OSBPL9: variants seen among roughly 807,000 people sequenced by gnomAD.
The protein encoded by OSBPL9 is oxysterol-binding protein-related protein 9.
A neutral mutation model predicts 106.6 loss-of-function variants in OSBPL9; 40 were observed. The ratio of observed to expected loss-of-function variants is 0.38; its 90% CI spans 0.29 to 0.49. The LOEUF (loss-of-function observed/expected upper bound fraction) is 0.49, where lower values mean the gene tolerates loss of function less well. Ranked by LOEUF, OSBPL9 falls within the 20% of genes least tolerant of loss-of-function variation. OSBPL9 has a pLI of 0.97. For synonymous variants in OSBPL9, 269 were observed against 295.4 expected (o/e 0.91, Z 0.92); for missense variants, 609 against 887.2 (o/e 0.69, Z 3.98).
intron 1 of OSBPL9, among the ~76,000 whole-genome samples, chr1:51,640,222 T>G (rs1645702094): frequency 6.6e-6 from 1 of 152,254 alleles, no homozygotes; most frequent in Admixed American, 6.5e-5. Flanking sequence ...CAAAACTTTT[T>G]CAGACACATT....
intron 2 of OSBPL9, among the ~76,000 whole-genome samples, chr1:51,653,309 C>A (rs1646633265): frequency 6.6e-6 from 1 of 151,830 alleles, no homozygotes; most frequent in Non-Finnish European, 1.5e-5. Flanking sequence ...ATTAACTGCT[C>A]TTTTGGCTTG....
intron 6 of OSBPL9, among the ~76,000 whole-genome samples, 190 bp from the exon 7 acceptor site, chr1:51,748,179 G>A (rs1281819264): frequency 2.6e-5 from 4 of 152,074 alleles, no homozygotes; most frequent in Non-Finnish European, 5.9e-5. Flanking sequence ...TAAAAGTCTG[G>A]AATTTTTATA....
At chr1:51,702,253 C>T (rs1485178458) in intron 3 of OSBPL9, among the ~76,000 whole-genome samples, 1 of 152,216 alleles carries the variant, frequency 6.6e-6, no homozygotes, top group Admixed American at 6.5e-5. Context: ...AACTAGTTTA[C>T]AGTCCCACCA....
At chr1:51,670,188 A>C (rs149735210) in intron 3 of OSBPL9, among the ~76,000 whole-genome samples, 4 of 152,224 alleles carry the variant, frequency 2.6e-5, no homozygotes, top group Admixed American at 2.6e-4. Flanking sequence ...AATAAAAGTC[A>C]ATTTTAATGA....
chr1:51,634,931 C>G (rs1645334568), intron 1 of OSBPL9, among the ~76,000 whole-genome samples: 1 of 152,286 alleles, frequency 6.6e-6, no homozygotes, highest in South Asian at 2.1e-4. Context: ...GACTTTTTCA[C>G]TACCACAAGA....
intron 3 of OSBPL9, among the ~76,000 whole-genome samples, chr1:51,711,522 A>G (rs1474993502): frequency 1.5e-5 from 1 of 68,918 alleles, no homozygotes; most frequent in Non-Finnish European, 3.1e-5. Flanking sequence ...CTGACCCCCC[A>G]CCTCCCTCCC....
chr1:51,624,797 T>G (rs1644672780), intron 1 of OSBPL9, among the ~76,000 whole-genome samples: 1 of 152,178 alleles, frequency 6.6e-6, no homozygotes, highest in Non-Finnish European at 1.5e-5. Flanking sequence ...TGGGCATTAA[T>G]CATCTTACAT....
At chr1:51,588,924 G>C (rs577468167) in intron 1 of OSBPL9, among the ~76,000 whole-genome samples, 5 of 152,268 alleles carry the variant, frequency 3.3e-5, no homozygotes, top group African/African-American at 1.2e-4. Context: ...GAAGCACTGT[G>C]CTCTCAGGAA....
intron 1 of OSBPL9, among the ~76,000 whole-genome samples, chr1:51,584,476 A>AG (rs137868740): frequency 0.2 from 30,026 of 152,100 alleles, 4,341 homozygotes; most frequent in African/African-American, 0.41. Flanking sequence ...TGGGAGGCCA[A>AG]GCTGAGGCAG....
upstream of OSBPL9, among the ~76,000 whole-genome samples, chr1:51,576,622 G>A (rs772365777): frequency 1.3e-4 from 19 of 151,960 alleles, no homozygotes; most frequent in Non-Finnish European, 2.6e-4. Flanking sequence ...CAATCTCCTG[G>A]GCTCAAGCAA....
At chr1:51,651,581 C>T (rs922664478) in intron 1 of OSBPL9, among the ~76,000 whole-genome samples, 22 of 151,572 alleles carry the variant, frequency 1.5e-4, no homozygotes, top group South Asian at 4.2e-4. Flanking sequence ...CCAGCCTGGG[C>T]GACAAAGCGG....
At chr1:51,775,032 C>G (rs2149118345) in intron 14 of OSBPL9, among the ~76,000 whole-genome samples, 1 of 152,190 alleles carries the variant, frequency 6.6e-6, no homozygotes, top group Middle Eastern at 3.4e-3. Context: ...TCTTCTTCAG[C>G]ATTTTTACTC....
intron 3 of OSBPL9, chr1:51,707,181 G>A (rs2148871344): frequency 2.5e-6 from 1 of 407,344 alleles, no homozygotes; most frequent in Non-Finnish European, 5.0e-6. Context: ...CACCCTGTTG[G>A]TGTAGCCAGA....
intron 4 of OSBPL9, among the ~76,000 whole-genome samples, chr1:51,744,039 TCAAA>T (rs1667472743): frequency 6.6e-6 from 1 of 152,230 alleles, no homozygotes; most frequent in Admixed American, 6.5e-5. Flanking sequence ...ATACTCATTG[TCAAA>T]CAGTTTCTTG....
At chr1:51,638,712 A>T (rs1156269311) in intron 1 of OSBPL9, among the ~76,000 whole-genome samples, 1 of 152,148 alleles carries the variant, frequency 6.6e-6, no homozygotes, top group Non-Finnish European at 1.5e-5. Flanking sequence ...ACTACAAAAA[A>T]TACAAAAATA....
At chr1:51,708,620 C>T (rs1659143899) in intron 3 of OSBPL9, among the ~76,000 whole-genome samples, 1 of 152,118 alleles carries the variant, frequency 6.6e-6, no homozygotes, top group South Asian at 2.1e-4. Flanking sequence ...AGCACGTTTA[C>T]TTCACTCACA....
intron 2 of OSBPL9, among the ~76,000 whole-genome samples, chr1:51,599,826 G>C (rs574912377): frequency 2.0e-5 from 3 of 152,142 alleles, no homozygotes; most frequent in Non-Finnish European, 2.9e-5. Context: ...ATAAAGAACA[G>C]AAATTTATTT....
intron 2 of OSBPL9, among the ~76,000 whole-genome samples, chr1:51,658,258 T>C (rs146881828): frequency 1.1e-3 from 164 of 152,310 alleles, no homozygotes; most frequent in African/African-American, 3.9e-3. Flanking sequence ...ATCTCTGGAA[T>C]AGACATCATG....
At chr1:51,745,417 C>A (rs1268484090) in intron 4 of OSBPL9, 119 bp from the exon 5 acceptor site, 2 of 1,416,196 alleles carry the variant, frequency 1.4e-6, no homozygotes, top group Non-Finnish European at 1.9e-6. Flanking sequence ...TTATTTGTGT[C>A]AAAATAGAAC....
Sources: allele counts gnomAD v4.1 joint callset (sites outside exome capture counted in the v4.1 genomes callset), GRCh38; gene constraint gnomAD v4.1.1; transcripts MANE v1.5; gene names NCBI Gene and HGNC (gene_info 2026-07-23, HGNC 2026-07-21).